Variants in FRMPD4 observed in about 807,000 individuals in gnomAD.
The protein encoded by FRMPD4 is FERM and PDZ domain containing 4.
Under a neutral mutation model 94.1 loss-of-function variants are expected in FRMPD4, and 22 were observed. That is an observed-to-expected ratio of 0.23 (90% CI 0.17 to 0.33). The LOEUF (loss-of-function observed/expected upper bound fraction) is 0.33. Ranked by LOEUF, FRMPD4 falls within the 10% of genes least tolerant of loss-of-function variation. FRMPD4 has a pLI of 1.00. For synonymous variants in FRMPD4, 631 were observed against 548.6 expected (o/e 1.15, Z -2.10); for missense variants, 1,111 against 1,339.9 (o/e 0.83, Z 2.67).
At chrX:12,277,120 C>CA (rs765802561) in intron 1 of FRMPD4, among the ~76,000 whole-genome samples, 2,201 of 46,349 alleles carry the variant, frequency 0.047, 126 homozygotes, top group African/African-American at 0.14. Context: ...GACTCCGTCT[C>CA]AAAAAAAAAA....
chrX:12,087,837 A>G (rs2055123609), intron 3 of FRMPD4, among the ~76,000 whole-genome samples: 1 of 112,408 alleles, frequency 8.9e-6, no homozygotes, highest in South Asian at 3.7e-4. Context: ...TATAGTTTGA[A>G]GGGAACAATT....
chrX:12,642,770 G>T lies in FRMPD4; in HGVS notation c.422+27889G>T, dbSNP rs771933531. Among the ~76,000 whole-genome samples the T allele has an allele frequency of 9.1e-4, 102 of 112,296 alleles. 1 individual carries two copies. The highest frequency in any genetic ancestry group is 1.6e-3 in the Non-Finnish European group (85 of 53,248). On this transcript the variant is annotated intron_variant, in intron 4 of 16. Transcript: ENST00000675598. ...TACAAAAAATTAGCAGCGTGTTGTG[G>T]TATGTGCCTTTAGTCCCAGTTGCTT...
At chrX:12,446,292 T>C (rs2057194632) in intron 1 of FRMPD4, among the ~76,000 whole-genome samples, 1 of 112,596 alleles carries the variant, frequency 8.9e-6, no homozygotes, top group African/African-American at 3.2e-5. Context: ...CTTGCTATTT[T>C]AGTCTATTTA....
At chrX:12,644,280 C>A (rs182796063) in intron 4 of FRMPD4, among the ~76,000 whole-genome samples, 2 of 111,159 alleles carry the variant, frequency 1.8e-5, no homozygotes, top group African/African-American at 6.5e-5. Flanking sequence ...CTGTATTGCC[C>A]AGGCTAGGAG....
At position 12,720,909 on chromosome X, in the gene FRMPD4, C is replaced by T. The variant is rs976860734; in HGVS notation, c.4340C>T (p.Pro1447Leu). 2 of 822,629 alleles carry T rather than the reference C, an allele frequency of 2.4e-6. No individual in the cohort carries two copies. The highest frequency in any genetic ancestry group is 5.8e-5 in the South Asian group (1 of 17,117). 67.8% of individuals were successfully genotyped at this position (822,629 alleles called of 1,213,427 possible). Residue 1447 changes from proline to leucine, a missense_variant, in exon 17 of 17, where the codon CCC becomes CTC. Pro to Leu is a moderately conservative substitution (Grantham distance 98). Around this residue, in one of 8 missense-constraint regions of FRMPD4, gnomAD observed 551 missense variants for 591.6 expected, o/e 0.93. Coordinates refer to ENST00000675598, the MANE Select transcript of FRMPD4 (RefSeq NM_001368397.1). Reference sequence around the variant, plus strand: ...AGTTCTGAAAGGCGAGCAGAACTCCCCCTGGGGAGGAAGCTCACCAAAAGT... The same window carrying T: ...AGTTCTGAAAGGCGAGCAGAACTCCTCCTGGGGAGGAAGCTCACCAAAAGT... ...EASSERRAELPLGRKLTKSFS... is the reference protein window; with the variant it reads ...EASSERRAELLLGRKLTKSFS...
rs2042275055 is a variant in FRMPD4 at position 12,723,363 on chromosome X, T to C, written c.*1505T>C. The C allele has an allele frequency of 1.8e-5, 2 of 111,308 alleles. No individual in the cohort carries two copies. Among genetic ancestry groups the C allele is most frequent in the South Asian group, 7.6e-4 (2 of 2,631 alleles). 9.2% of individuals were successfully genotyped at this position (111,308 alleles called of 1,213,427 possible). On this transcript the variant is annotated 3_prime_UTR_variant, in exon 17 of 17. Transcript: ENST00000675598. Reference sequence around the variant, plus strand: ...CACCAGGTGCAAATATTTCTACTTTTGTAGCCTGCTGAGAAGGAGTCATAA... The same window carrying C: ...CACCAGGTGCAAATATTTCTACTTTCGTAGCCTGCTGAGAAGGAGTCATAA...
chrX:12,105,064 A>G (rs535855413), intron 3 of FRMPD4, among the ~76,000 whole-genome samples: 1 of 111,612 alleles, frequency 9.0e-6, no homozygotes, highest in Admixed American at 9.5e-5. Context: ...AGTTATTTGC[A>G]TAGTTATCAG....
intron 1 of FRMPD4, among the ~76,000 whole-genome samples, chrX:12,189,879 A>G (rs1055062204): frequency 9.0e-6 from 1 of 111,692 alleles, no homozygotes; most frequent in East Asian, 2.8e-4. Flanking sequence ...AGTCCTAGAT[A>G]TGGCAATAAG....
chrX:12,040,838 T>C (rs2054750729), intron 3 of FRMPD4, among the ~76,000 whole-genome samples: 1 of 111,298 alleles, frequency 9.0e-6, no homozygotes, highest in Non-Finnish European at 1.9e-5. Flanking sequence ...TTATGTCTGC[T>C]ATTTTATTTG....
At chrX:12,519,931 C>T (rs1234300455) in intron 2 of FRMPD4, among the ~76,000 whole-genome samples, 1 of 111,989 alleles carries the variant, frequency 8.9e-6, no homozygotes, top group African/African-American at 3.2e-5. Context: ...AATTGGAACC[C>T]TTATGCACTG....
chrX:12,163,148 G>A (rs1044843794), intron 1 of FRMPD4, among the ~76,000 whole-genome samples: 2 of 110,827 alleles, frequency 1.8e-5, no homozygotes, highest in African/African-American at 6.6e-5. Flanking sequence ...GATAAATGGA[G>A]CCATTAGGTT....
At chrX:11,915,249 A>G (rs1405241800) in intron 3 of FRMPD4, among the ~76,000 whole-genome samples, 1 of 112,673 alleles carries the variant, frequency 8.9e-6, no homozygotes, top group Non-Finnish European at 1.9e-5. Context: ...GTGAGCTTTT[A>G]GTATGGAAGG....
At chrX:12,430,043 C>CT (rs1248553863) in intron 1 of FRMPD4, among the ~76,000 whole-genome samples, 1 of 111,845 alleles carries the variant, frequency 8.9e-6, no homozygotes, top group African/African-American at 3.3e-5. Context: ...AAAATAATTT[C>CT]TTTTATAAAT....
rs1002379049 is a variant in FRMPD4 at position 12,627,624 on chromosome X, G to A, written c.422+12743G>A. Among the ~76,000 whole-genome samples the A allele has an allele frequency of 4.5e-5, 5 of 112,070 alleles. No homozygotes were observed. The East Asian group carries it at 1.4e-3, about 31-fold the overall frequency. On this transcript the variant is annotated intron_variant, in intron 4 of 16. Coordinates refer to ENST00000675598, the MANE Select transcript of FRMPD4 (RefSeq NM_001368397.1). ...CATAAAAGCTATAATGATATATAAT[G>A]ACGGAAATTAATAAGAAAAATGACT... is the stretch of plus-strand genomic sequence containing the variant.
chrX:12,601,092 T>G (rs1212048902), intron 2 of FRMPD4, among the ~76,000 whole-genome samples: 1 of 112,557 alleles, frequency 8.9e-6, no homozygotes, highest in African/African-American at 3.2e-5. Context: ...AAGATTCTTC[T>G]AAACATTTTG....
At chrX:12,103,974 G>C (rs569767891) in intron 3 of FRMPD4, among the ~76,000 whole-genome samples, 1 of 111,922 alleles carries the variant, frequency 8.9e-6, no homozygotes, top group African/African-American at 3.2e-5. Context: ...TATTTCTCAT[G>C]GTTCTGGAAC....
chrX:12,542,351 C>T (rs1414584024), intron 2 of FRMPD4, among the ~76,000 whole-genome samples: 1 of 112,158 alleles, frequency 8.9e-6, no homozygotes, highest in Non-Finnish European at 1.9e-5. Context: ...ATTATCTCAG[C>T]CCAAAATCTC....
chrX:11,837,684 C>G (rs779479030), intron 1 of FRMPD4, among the ~76,000 whole-genome samples: 14 of 111,405 alleles, frequency 1.3e-4, no homozygotes, highest in South Asian at 3.7e-4. Flanking sequence ...TAGTAACTTA[C>G]AATGAGAATG....
At chrX:12,358,747 T>C (rs1256262712) in intron 1 of FRMPD4, among the ~76,000 whole-genome samples, 1 of 111,790 alleles carries the variant, frequency 8.9e-6, no homozygotes, top group Non-Finnish European at 1.9e-5. Flanking sequence ...TCAATTCTAG[T>C]TCTCTAAGCG....
Sources: gnomAD v4.1 joint callset for allele counts (sites outside exome capture counted in the v4.1 genomes callset) on GRCh38, gnomAD v4.1.1 for gene constraint, gnomAD v4.1.1 regional missense constraint, MANE v1.5 for transcripts, NCBI Gene and HGNC (gene_info 2026-07-23, HGNC 2026-07-21) for gene names.